CPNE4: variants seen among roughly 807,000 people sequenced by gnomAD.
CPNE4 encodes copine-4.
Under a neutral mutation model 67.9 loss-of-function variants are expected in CPNE4, and 25 were observed. The observed-to-expected ratio is 0.37, with a 90% confidence interval of 0.27 to 0.51. The LOEUF (loss-of-function observed/expected upper bound fraction) is 0.51, where lower values mean the gene tolerates loss of function less well. CPNE4 is among the 20% of genes least tolerant of loss of function. CPNE4 has a pLI of 0.93. For missense variants in CPNE4, 464 were observed against 690.8 expected (o/e 0.67, Z 3.68); for synonymous variants, 242 against 244.9 (o/e 0.99, Z 0.11).
At chr3:131,978,210 A>T (rs1381299032) in intron 1 of CPNE4, among the ~76,000 whole-genome samples, 5 of 46,540 alleles carry the variant, frequency 1.1e-4, no homozygotes, top group Admixed American at 4.2e-4. Flanking sequence ...ATTATATATA[A>T]TATATATAAT....
At chr3:131,736,611 CAAAAA>C (rs71136406) in intron 2 of CPNE4, among the ~76,000 whole-genome samples, 2 of 82,130 alleles carry the variant, frequency 2.4e-5, no homozygotes, top group Non-Finnish European at 2.3e-5. Context: ...AAGACTGTCT[CAAAAA>C]AAAAAAAAAA....
intron 6 of CPNE4, among the ~76,000 whole-genome samples, chr3:131,681,833 A>T (rs548768872): frequency 2.1e-4 from 32 of 151,152 alleles, no homozygotes; most frequent in Non-Finnish European, 4.4e-4. Flanking sequence ...TTTTTCTCTT[A>T]TCTCTTCTGA....
intron 2 of CPNE4, among the ~76,000 whole-genome samples, chr3:131,792,673 A>ACACG (rs2083781584): frequency 3.2e-5 from 2 of 63,180 alleles, no homozygotes; most frequent in Non-Finnish European, 6.0e-5. Flanking sequence ...GTATATATAC[A>ACACG]TATATACACA....
At chr3:131,901,930 C>T (rs1355512590) in intron 2 of CPNE4, among the ~76,000 whole-genome samples, 1 of 152,102 alleles carries the variant, frequency 6.6e-6, no homozygotes, top group African/African-American at 2.4e-5. Context: ...CTGACTCCAA[C>T]ACATGACTGC....
At chr3:131,613,918 G>T (rs1158317338) in intron 7 of CPNE4, among the ~76,000 whole-genome samples, 2 of 152,104 alleles carry the variant, frequency 1.3e-5, no homozygotes, top group African/African-American at 4.8e-5. Flanking sequence ...CCAAAAAAAG[G>T]GGTACCAAAG....
intron 9 of CPNE4, among the ~76,000 whole-genome samples, chr3:131,580,199 A>AT (rs1426194233): frequency 2.0e-5 from 3 of 152,258 alleles, no homozygotes; most frequent in East Asian, 3.9e-4. Context: ...TGACTGTTGC[A>AT]TTTTTTAGCA....
At chr3:132,006,693 G>A (rs10934986) in intron 1 of CPNE4, among the ~76,000 whole-genome samples, 28,047 of 150,188 alleles carry the variant, frequency 0.19, 3,349 homozygotes, top group East Asian at 0.39. Context: ...GAGCTGTTGT[G>A]TTAAAAAGTT....
chr3:131,984,352 T>G (rs901625257), intron 1 of CPNE4, among the ~76,000 whole-genome samples: 2 of 152,200 alleles, frequency 1.3e-5, no homozygotes, highest in Non-Finnish European at 2.9e-5. Context: ...GCATAAGGGT[T>G]TCTTGTGATT....
At chr3:132,026,880 G>GCA (rs2074126457) in intron 1 of CPNE4, among the ~76,000 whole-genome samples, 1 of 151,578 alleles carries the variant, frequency 6.6e-6, no homozygotes, top group Non-Finnish European at 1.5e-5. Context: ...GAGGAAATAG[G>GCA]GACAGGTTTA....
intron 1 of CPNE4, among the ~76,000 whole-genome samples, chr3:132,022,506 T>A (rs13434103): frequency 0.12 from 18,100 of 152,114 alleles, 1,181 homozygotes; most frequent in African/African-American, 0.15. Context: ...TCACTGATGC[T>A]TGGACCTTCC....
chr3:131,926,065 A>G (rs1327326080), intron 1 of CPNE4, among the ~76,000 whole-genome samples: 1 of 152,178 alleles, frequency 6.6e-6, no homozygotes, highest in Non-Finnish European at 1.5e-5. Flanking sequence ...TAAATAAAAC[A>G]AAGTGTAATT....
chr3:131,732,660 C>G (rs558387208), intron 2 of CPNE4, among the ~76,000 whole-genome samples: 1 of 152,340 alleles, frequency 6.6e-6, no homozygotes, highest in Non-Finnish European at 1.5e-5. Flanking sequence ...CCCAGGGCAT[C>G]TCAGAGTCTC....
At position 131,990,443 on chromosome 3, in the gene CPNE4, G is replaced by T; in HGVS notation, c.-2+44124C>A. ...GTGTGTTATGTGTAGAATAAATGTTGTTTTTGGTTCTTTTTCTTTTTTTTA... is the reference window on the plus strand; with the variant it reads ...GTGTGTTATGTGTAGAATAAATGTTTTTTTTGGTTCTTTTTCTTTTTTTTA... On this transcript the variant is annotated intron_variant, in intron 1 of 15. Coordinates refer to ENST00000429747, the MANE Select transcript of CPNE4 (RefSeq NM_130808.3). Among the ~76,000 whole-genome samples, 2 of 135,002 alleles carry T rather than the reference G, an allele frequency of 1.5e-5. 1 individual carries two copies. The highest frequency in any genetic ancestry group is 3.4e-5 in the Non-Finnish European group (2 of 59,648). The allele number at this position is 135,002 out of a possible 152,430, so 88.6% of individuals were successfully genotyped here.
chr3:131,965,307 C>CTGCATCAACTAATGTGCAAAATAACCAG (rs2107931734), intron 1 of CPNE4, among the ~76,000 whole-genome samples: 1 of 152,318 alleles, frequency 6.6e-6, no homozygotes, highest in African/African-American at 2.4e-5. Flanking sequence ...TATGAAGAAA[C>CTGCATCAACTAATGTGCAAAATAACCAG]TGCATCAACT....
intron 8 of CPNE4, among the ~76,000 whole-genome samples, chr3:131,585,672 C>T (rs1225269649): frequency 1.3e-5 from 2 of 152,184 alleles, no homozygotes; most frequent in African/African-American, 4.8e-5. Flanking sequence ...TAAGGCAAAA[C>T]TTTATAAAAC....
At chr3:131,542,463 T>C (rs34655730) in intron 15 of CPNE4, 94 bp downstream of exon 15, 3 of 862,126 alleles carry the variant, frequency 3.5e-6, no homozygotes, top group Non-Finnish European at 3.9e-6. Flanking sequence ...TCAAGAATGG[T>C]GGATCACCAT....
intron 7 of CPNE4, among the ~76,000 whole-genome samples, chr3:131,619,159 A>G (rs1391772305): frequency 6.6e-6 from 1 of 152,180 alleles, no homozygotes; most frequent in Non-Finnish European, 1.5e-5. Context: ...ACCTTAGGAA[A>G]GGAAAATCAC....
intron 5 of CPNE4, among the ~76,000 whole-genome samples, chr3:131,694,132 T>C (rs2081094748): frequency 6.6e-6 from 1 of 152,198 alleles, no homozygotes; most frequent in Non-Finnish European, 1.5e-5. Context: ...TTTTCCTACA[T>C]ATTCATACTT....
At chr3:131,978,125 T>C (rs2072734884) in intron 1 of CPNE4, among the ~76,000 whole-genome samples, 1 of 82,316 alleles carries the variant, frequency 1.2e-5, no homozygotes, top group South Asian at 3.2e-4. Flanking sequence ...TATATAAATA[T>C]ATATATTTAT....
Sources: gnomAD v4.1 joint callset for allele counts (sites outside exome capture counted in the v4.1 genomes callset) on GRCh38, gnomAD v4.1.1 for gene constraint, MANE v1.5 for transcripts, NCBI Gene and HGNC (gene_info 2026-07-23, HGNC 2026-07-21) for gene names.